PYGL: variants seen among roughly 807,000 people sequenced by gnomAD.
The protein encoded by PYGL is glycogen phosphorylase, liver form.
In PYGL, 90 loss-of-function variants were observed where a neutral mutation model predicts 100.1. The ratio of observed to expected loss-of-function variants is 0.90; its 90% CI spans 0.76 to 1.07. The LOEUF (loss-of-function observed/expected upper bound fraction) is 1.07, where lower values mean the gene tolerates loss of function less well. Ranked by LOEUF, PYGL falls within the 50% of genes least tolerant of loss-of-function variation. The pLI, the probability that PYGL is intolerant of heterozygous loss-of-function variation, is 0.00. For missense variants in PYGL, 1,016 were observed against 1,057.6 expected, an observed-to-expected ratio of 0.96 and a Z score of 0.55; for synonymous variants, 373 against 393.0, an observed-to-expected ratio of 0.95 and a Z score of 0.60.
At chr14:50,933,740 A>G (rs2050625010) in intron 3 of PYGL, among the ~76,000 whole-genome samples, 1 of 152,152 alleles carries the variant, frequency 6.6e-6, no homozygotes, top group Non-Finnish European at 1.5e-5. Flanking sequence ...TTCACATTAT[A>G]TACATATGTA....
At position 50,912,175 on chromosome 14, in the gene PYGL, A is replaced by G; in HGVS notation, c.1749T>C (p.His583=). 6.2e-7 allele frequency: 1 copy of G among 1,614,228 alleles called. No individual in the cohort carries two copies. The highest frequency in any genetic ancestry group is 1.1e-5 in the South Asian group (1 of 91,088). ...EYKRQLLNCL[H]VITMYNRIKK... is the part of the protein sequence containing the mutation. The stretch of plus-strand genomic sequence containing the variant: ...ACTCACGGTTGTACATCGTGATCAC[A>G]TGCAGACAGTTCAAGAGCTGTCGCT... Residue 583 remains histidine (H), a synonymous_variant, in exon 14 of 20, where the codon CAT becomes CAC. Coordinates refer to ENST00000216392, the MANE Select transcript of PYGL (RefSeq NM_002863.5).
Position 50,908,173 on chromosome 14 carries a change from T to C in PYGL, c.2379+98A>G. On this transcript the variant is annotated intron_variant, in intron 19 of 19. Coordinates refer to ENST00000216392, the MANE Select transcript of PYGL (RefSeq NM_002863.5). ...TTGATTGCTTAATGGGGATCTGATA[T>C]TACATGGGGATCTGATATTTGCATT... 3 of 936,498 alleles carry C rather than the reference T, an allele frequency of 3.2e-6. 1 individual carries two copies. The South Asian group carries it at 4.1e-5, about 13-fold the overall frequency. 58.0% of individuals were successfully genotyped at this position (936,498 alleles called of 1,614,324 possible). A position where few individuals can be genotyped will look rare whatever the true frequency, so the allele number is the denominator to read the frequency against.
At chr14:50,914,139 A>G (rs1486883548) in intron 12 of PYGL, among the ~76,000 whole-genome samples, 2 of 152,188 alleles carry the variant, frequency 1.3e-5, no homozygotes, top group East Asian at 1.9e-4. Flanking sequence ...TGAGTGTCCT[A>G]TGAATACTGT....
rs1224200301 is a variant in PYGL at position 50,905,424 on chromosome 14, A to AT, written c.2511dup (p.Ser838IlefsTer3). 6.2e-7 allele frequency: 1 copy of AT among 1,613,742 alleles called. No homozygotes were observed. Among genetic ancestry groups the AT allele is most frequent in the Middle Eastern group, 1.7e-4 (1 of 6,060 alleles). ...CCATTGACTTTGTTAGATTCATTGG[A>AT]TAGAGAAATCTTTAGATCTGAAGGT... On this transcript the variant is annotated frameshift_variant, in exon 20 of 20. Transcript: ENST00000216392. LOFTEE classifies it high-confidence loss of function.
Position 50,912,008 on chromosome 14 carries a change from G to A in PYGL, c.1797C>T (p.Phe599=), listed in dbSNP as rs200236273. The A allele has an allele frequency of 4.3e-6, 7 of 1,613,764 alleles. No individual in the cohort carries two copies. The highest frequency in any genetic ancestry group is 3.3e-5 in the South Asian group (3 of 91,056). Residue 599 remains phenylalanine (F), a synonymous_variant, in exon 15 of 20, where the codon TTC becomes TTT. Transcript: ENST00000216392. The part of the protein sequence containing the change: ...NRIKKDPKKL[F]VPRTVIIGGK... ...CACCAATGATAACTGTCCTTGGCACGAATAACTTCTTAGGGTCTTTCTTAA... is the reference window on the plus strand; with the variant it reads ...CACCAATGATAACTGTCCTTGGCACAAATAACTTCTTAGGGTCTTTCTTAA...
intron 12 of PYGL, 40 bp downstream of exon 12, chr14:50,914,661 T>G (rs1385370175): frequency 1.3e-6 from 2 of 1,510,432 alleles, no homozygotes; most frequent in Non-Finnish European, 1.8e-6. Context: ...CCTCTTGCAT[T>G]CGAGTCAGGC....
At chr14:50,921,926 G>T (rs1287448479) in intron 5 of PYGL, among the ~76,000 whole-genome samples, 5 of 152,166 alleles carry the variant, frequency 3.3e-5, no homozygotes, top group African/African-American at 1.2e-4. Context: ...GTTGCATAAG[G>T]AGTTATTTTA....
chr14:50,931,149 G>C (rs1307269066), intron 4 of PYGL, among the ~76,000 whole-genome samples: 1 of 150,880 alleles, frequency 6.6e-6, no homozygotes, highest in Non-Finnish European at 1.5e-5. Context: ...ATTAAAGAAG[G>C]CAAGACTCTG....
In PYGL at chr14:50,942,324, C is replaced by G. The variant is rs759621745; in HGVS notation, c.243+1837G>C. 1.6e-4 allele frequency among the ~76,000 whole-genome samples: 22 copies of G among 139,818 alleles called. 3 individuals carry two copies. Among genetic ancestry groups the G allele is most frequent in the Admixed American group, 6.6e-4 (8 of 12,184 alleles). The allele number at this position is 139,818 out of a possible 152,430, so 91.7% of individuals were successfully genotyped here. A position where few individuals can be genotyped will look rare whatever the true frequency, so the allele number is the denominator to read the frequency against. ...GAAACTGGCCGGAGAACCAGGAAAA[C>G]CATAAAGCACTGCATAAGCCACTGA... is the stretch of plus-strand genomic sequence containing the variant. On this transcript the variant is annotated intron_variant, in intron 1 of 19. Coordinates refer to ENST00000216392, the MANE Select transcript of PYGL (RefSeq NM_002863.5).
intron 3 of PYGL, among the ~76,000 whole-genome samples, chr14:50,932,285 T>G (rs948032569): frequency 3.3e-5 from 5 of 152,224 alleles, no homozygotes; most frequent in African/African-American, 1.2e-4. Context: ...GGAATTCCAC[T>G]GTTGTTCAGA....
At chr14:50,911,665 C>A in intron 16 of PYGL, 65 bp downstream of exon 16, 2 of 1,596,874 alleles carry the variant, frequency 1.3e-6, no homozygotes, top group Non-Finnish European at 1.7e-6. Context: ...GCTGCCCCAT[C>A]TTTCATACCA....
chr14:50,915,909 C>T lies in PYGL; in HGVS notation c.1155G>A (p.Leu385=), dbSNP rs765969356. The change falls in exon 10 of 20, where the codon CTG becomes CTA. Residue 385 remains leucine (L), a synonymous_variant. Coordinates refer to ENST00000216392, the MANE Select transcript of PYGL (RefSeq NM_002863.5). ...YTNHTVLPEA[L]ERWPVDLVEK... ...CCACCAGGTCCACGGGCCAGCGCTCCAGGGCTTCCGGGAGCACTGTGTGGT... is the reference window on the plus strand; with the variant it reads ...CCACCAGGTCCACGGGCCAGCGCTCTAGGGCTTCCGGGAGCACTGTGTGGT... 6.2e-7 allele frequency: 1 copy of T among 1,614,234 alleles called. No homozygotes were observed. Among genetic ancestry groups the T allele is most frequent in the Non-Finnish European group, 8.5e-7 (1 of 1,180,026 alleles).
chr14:50,916,009 G>T, intron 9 of PYGL, 38 bp from the exon 10 acceptor site: 4 of 1,612,984 alleles, frequency 2.5e-6, no homozygotes, highest in Non-Finnish European at 3.4e-6. Flanking sequence ...TGCCCTGAAG[G>T]TGGGCACCCC....
At chr14:50,923,759 G>T in intron 5 of PYGL, 8 of 312,890 alleles carry the variant, frequency 2.6e-5, no homozygotes, top group East Asian at 1.7e-4. Flanking sequence ...CCTTATAAAA[G>T]TCACTCCTCT....
rs2050460208 is a variant in PYGL, at chr14:50,917,075, G to A, written c.886C>T (p.Gln296Ter). Residue 296 changes from glutamine (Q) to a stop codon, truncating the protein, a stop_gained, in exon 8 of 20, where the codon CAG (glutamine) becomes TAG (stop). Transcript: ENST00000216392. LOFTEE classifies it high-confidence loss of function. ...GTTGCAGCCACCACAAAGTATTCCTGCTTCAATCTTAGCTCCTTCCCTTCA... is the reference window on the plus strand; with the variant it reads ...GTTGCAGCCACCACAAAGTATTCCTACTTCAATCTTAGCTCCTTCCCTTCA... ...FFEGKELRLK[Q>*]EYFVVAATLQ... is the part of the protein sequence containing the mutation. 1.2e-6 allele frequency: 2 copies of A among 1,613,940 alleles called. No homozygotes were observed. The highest frequency in any genetic ancestry group is 1.7e-6 in the Non-Finnish European group (2 of 1,179,776).
intron 9 of PYGL, 148 bp from the exon 10 acceptor site, chr14:50,916,119 A>G: frequency 2.7e-6 from 3 of 1,114,414 alleles, no homozygotes; most frequent in Non-Finnish European, 3.9e-6. Flanking sequence ...GTTCCTGAAT[A>G]GTCCAGATAA....
At chr14:50,909,016 C>T in intron 17 of PYGL, 61 bp from the exon 18 acceptor site, 3 of 1,518,824 alleles carry the variant, frequency 2.0e-6, no homozygotes, top group Non-Finnish European at 2.7e-6. Flanking sequence ...GTGTGATTAA[C>T]AACACACTAG....
chr14:50,911,438 C>A lies in PYGL; in HGVS notation c.1969+292G>T, dbSNP rs147466233. Among the ~76,000 whole-genome samples the A allele has an allele frequency of 1.9e-3, 289 of 152,322 alleles. 1 individual carries two copies. The highest frequency in any genetic ancestry group is 6.8e-3 in the African/African-American group (283 of 41,564). On this transcript the variant is annotated intron_variant, in intron 16 of 19. Transcript: ENST00000216392. ...AAGACCTTTCCTCTGTTTTATAGAG[C>A]GGGTTCTGAATGATGCTGAAACCCC... is the stretch of plus-strand genomic sequence containing the variant.
chr14:50,909,877 G>A lies in PYGL; in HGVS notation c.2177+18C>T, dbSNP rs758465963. ...GGGAGGGGCAGTCCTGCCTAGCAAAGAGAAGCTATTCTCTTACCCTTTCTT... is the reference window on the plus strand; with the variant it reads ...GGGAGGGGCAGTCCTGCCTAGCAAAAAGAAGCTATTCTCTTACCCTTTCTT... On this transcript the variant is annotated intron_variant, in intron 17 of 19. Transcript: ENST00000216392. The A allele has an allele frequency of 1.9e-6, 3 of 1,613,794 alleles. No homozygotes were observed. The highest frequency in any genetic ancestry group is 2.5e-6 in the Non-Finnish European group (3 of 1,179,682).
Sources: allele counts gnomAD v4.1 joint callset (sites outside exome capture counted in the v4.1 genomes callset), GRCh38; gene constraint gnomAD v4.1.1; transcripts MANE v1.5; gene names NCBI Gene and HGNC (gene_info 2026-07-23, HGNC 2026-07-21).